Variants in KCNK2 observed in about 807,000 individuals in gnomAD.
KCNK2 encodes the protein potassium channel subfamily K member 2.
A neutral mutation model predicts 40.5 loss-of-function variants in KCNK2; 21 were observed. The observed-to-expected ratio is 0.52, with a 90% CI of 0.37 to 0.75. KCNK2 has a LOEUF of 0.75. Ranked by LOEUF, KCNK2 falls within the 30% of genes least tolerant of loss-of-function variation. The pLI, the probability that KCNK2 is intolerant of heterozygous loss-of-function variation, is 0.00. For synonymous variants in KCNK2, 191 were observed against 202.2 expected (o/e 0.94, Z 0.47); for missense variants, 399 against 531.6 (o/e 0.75, Z 2.45).
intron 1 of KCNK2, among the ~76,000 whole-genome samples, chr1:215,007,027 A>ATATATATATGTGTGTGTG (rs1656157389): frequency 3.6e-5 from 2 of 56,152 alleles, no homozygotes; most frequent in African/African-American, 5.8e-5. Flanking sequence ...ATATATATAT[A>ATATATATATGTGTGTGTG]TATATATATA....
intron 2 of KCNK2, among the ~76,000 whole-genome samples, chr1:215,094,386 A>G (rs1243821153): frequency 6.6e-6 from 1 of 152,096 alleles, no homozygotes; most frequent in Admixed American, 6.6e-5. Context: ...ATATTAACCT[A>G]GTAGCTTGAA....
At chr1:215,167,481 T>G (rs2102631607) in intron 3 of KCNK2, among the ~76,000 whole-genome samples, 1 of 152,260 alleles carries the variant, frequency 6.6e-6, no homozygotes. Flanking sequence ...GAAGTATATT[T>G]TTTAACCCAA....
chr1:215,074,366 A>G (rs1462898738), intron 1 of KCNK2, among the ~76,000 whole-genome samples: 4 of 152,212 alleles, frequency 2.6e-5, no homozygotes, highest in East Asian at 1.9e-4. Context: ...TAATGAACAC[A>G]TTTAAAAATG....
At chr1:215,050,621 A>G (rs149262578) in intron 1 of KCNK2, among the ~76,000 whole-genome samples, 8 of 152,366 alleles carry the variant, frequency 5.3e-5, no homozygotes, top group Admixed American at 5.2e-4. Context: ...CCACTGAAAA[A>G]AATAGTGCAG....
intron 6 of KCNK2, among the ~76,000 whole-genome samples, chr1:215,208,548 C>T (rs1198858706): frequency 2.0e-5 from 3 of 152,188 alleles, no homozygotes; most frequent in Non-Finnish European, 4.4e-5. Flanking sequence ...ATGCTTCTCA[C>T]ATCTTGCAGC....
At chr1:215,160,485 T>C (rs1029951709) in intron 3 of KCNK2, among the ~76,000 whole-genome samples, 1 of 152,206 alleles carries the variant, frequency 6.6e-6, no homozygotes, top group Admixed American at 6.5e-5. Context: ...GTTTATTGTA[T>C]GGCTTCTCCT....
intron 2 of KCNK2, among the ~76,000 whole-genome samples, chr1:215,090,555 A>G (rs535550895): frequency 6.6e-6 from 1 of 152,348 alleles, no homozygotes; most frequent in South Asian, 2.1e-4. Flanking sequence ...CAACAGGATT[A>G]TATCAGCATT....
chr1:215,024,943 G>T (rs1394804494), intron 1 of KCNK2, among the ~76,000 whole-genome samples: 1 of 105,758 alleles, frequency 9.5e-6, no homozygotes, highest in African/African-American at 3.1e-5. Context: ...GTATCTACAG[G>T]AGTTTTTTTT....
intron 3 of KCNK2, among the ~76,000 whole-genome samples, chr1:215,162,919 T>C (rs1035475918): frequency 2.6e-5 from 4 of 152,128 alleles, no homozygotes; most frequent in African/African-American, 7.2e-5. Flanking sequence ...GGGCTTCTTT[T>C]TGGTTTCATA....
At chr1:215,138,361 G>T (rs1219250905) in intron 3 of KCNK2, among the ~76,000 whole-genome samples, 2 of 152,080 alleles carry the variant, frequency 1.3e-5, no homozygotes. Flanking sequence ...TGACATTCTG[G>T]TTTAAAAAAT....
chr1:215,178,475 T>C (rs549041347), intron 5 of KCNK2, among the ~76,000 whole-genome samples: 2 of 152,332 alleles, frequency 1.3e-5, no homozygotes, highest in African/African-American at 4.8e-5. Flanking sequence ...GCCCATGCAG[T>C]ATGCTGTTGA....
intron 6 of KCNK2, among the ~76,000 whole-genome samples, chr1:215,197,818 G>A (rs1343340351): frequency 4.6e-5 from 7 of 152,134 alleles, no homozygotes. Flanking sequence ...TAGCCAACAT[G>A]GTGAAACTTC....
chr1:215,163,673 T>C (rs892443979), intron 3 of KCNK2, among the ~76,000 whole-genome samples: 1 of 152,194 alleles, frequency 6.6e-6, no homozygotes, highest in Non-Finnish European at 1.5e-5. Context: ...TCTGTTGAAA[T>C]AATCATGTGG....
chr1:215,092,480 CAT>C (rs748521407), intron 2 of KCNK2, among the ~76,000 whole-genome samples: 9 of 152,116 alleles, frequency 5.9e-5, no homozygotes, highest in Non-Finnish European at 1.0e-4. Context: ...AAATGATAGA[CAT>C]ATAGCAGCAG....
At chr1:215,113,819 C>T (rs1660806995) in intron 2 of KCNK2, among the ~76,000 whole-genome samples, 1 of 152,138 alleles carries the variant, frequency 6.6e-6, no homozygotes, top group Non-Finnish European at 1.5e-5. Flanking sequence ...TGGTCTTGAA[C>T]ACCTGGCCTC....
intron 1 of KCNK2, among the ~76,000 whole-genome samples, chr1:215,032,791 A>G (rs912199884): frequency 6.6e-6 from 1 of 151,756 alleles, no homozygotes; most frequent in Admixed American, 6.6e-5. Flanking sequence ...TTTTCCCTCT[A>G]TCCTCTCTAA....
At chr1:215,086,809 A>G (rs11586565) in intron 2 of KCNK2, 131 bp downstream of exon 2, 3 of 738,218 alleles carry the variant, frequency 4.1e-6, no homozygotes, top group East Asian at 2.5e-5. Context: ...TTGCCTTAAC[A>G]TATAGCTCTT....
chr1:215,161,844 G>A (rs1289201528), intron 3 of KCNK2, among the ~76,000 whole-genome samples: 1 of 152,170 alleles, frequency 6.6e-6, no homozygotes, highest in Non-Finnish European at 1.5e-5. Context: ...CATTTGGATT[G>A]GTTCCAAGTC....
chr1:215,084,182 GCACACACACACACACACACA>G (rs71945726), intron 1 of KCNK2, among the ~76,000 whole-genome samples: 2 of 141,860 alleles, frequency 1.4e-5, no homozygotes, highest in African/African-American at 5.3e-5. Context: ...TTAGGTTAAT[GCACACACACACACACACACA>G]CACACACACA....
Sources: gnomAD v4.1 joint callset for allele counts (sites outside exome capture counted in the v4.1 genomes callset) on GRCh38, gnomAD v4.1.1 for gene constraint, MANE v1.5 for transcripts, NCBI Gene and HGNC (gene_info 2026-07-23, HGNC 2026-07-21) for gene names.